CDON: variants seen among roughly 807,000 people sequenced by gnomAD.
The protein encoded by CDON is cell adhesion associated, oncogene regulated.
A neutral mutation model predicts 120.9 loss-of-function variants in CDON; 73 were observed. The ratio of observed to expected loss-of-function variants is 0.60; its 90% CI spans 0.50 to 0.73. The LOEUF is 0.73. CDON is among the 30% of genes least tolerant of loss of function. The pLI, the probability that CDON is intolerant of heterozygous loss-of-function variation, is 0.00. For missense variants in CDON, 1,470 were observed against 1,587.3 expected, an observed-to-expected ratio of 0.93 and a Z score of 1.26; for synonymous variants, 566 against 573.5, an observed-to-expected ratio of 0.99 and a Z score of 0.19.
intron 1 of CDON, among the ~76,000 whole-genome samples, chr11:126,033,922 G>C (rs1159698066): frequency 6.6e-6 from 1 of 152,004 alleles, no homozygotes; most frequent in Non-Finnish European, 1.5e-5. Context: ...TGTATCTTCT[G>C]ACCTGCCGCA....
Position 125,983,872 on chromosome 11 carries a change from T to G in CDON, c.2995A>C (p.Lys999Gln). The change falls in exon 16 of 20, where the codon AAA becomes CAA. Residue 999 changes from lysine (K) to glutamine (Q), a missense_variant and splice_region_variant. Lys to Gln is a moderately conservative substitution (Grantham distance 53). Transcript: ENST00000531738. Reference sequence around the variant, plus strand: ...AAGGAGATATTTATGAGTGACTTACTTTGTATGGTATTCTGCTGGCGATTC... The same window carrying G: ...AAGGAGATATTTATGAGTGACTTACGTTGTATGGTATTCTGCTGGCGATTC... Reference protein sequence around the residue: ...WKNRQQNTIQKYDPPGYLYQG... With the variant: ...WKNRQQNTIQQYDPPGYLYQG... The G allele has an allele frequency of 6.2e-7, 1 of 1,610,008 alleles. No individual in the cohort carries two copies. Among genetic ancestry groups the G allele is most frequent in the Non-Finnish European group, 8.5e-7 (1 of 1,176,492 alleles).
chr11:126,056,198 A>G (rs903190183), intron 1 of CDON, among the ~76,000 whole-genome samples: 6 of 152,224 alleles, frequency 3.9e-5, no homozygotes, highest in Non-Finnish European at 7.3e-5. Context: ...TCCAAACAGC[A>G]CTGCTTCACA....
intron 8 of CDON, among the ~76,000 whole-genome samples, chr11:126,006,618 A>ATGATCGTGCCACTGCACTCCAGCCT (rs1947138839): frequency 6.6e-6 from 1 of 152,166 alleles, no homozygotes; most frequent in Non-Finnish European, 1.5e-5. Context: ...GCAGTGAGCC[A>ATGATCGTGCCACTGCACTCCAGCCT]TGATCGTGCC....
In CDON at chr11:126,048,004, T is replaced by G. The variant is rs1314567725; in HGVS notation, c.-62+14575A>C. 4.6e-5 allele frequency among the ~76,000 whole-genome samples: 7 copies of G among 152,298 alleles called. No homozygotes were observed. In the East Asian group the frequency reaches 1.3e-3, roughly 29 times the overall value. The stretch of plus-strand genomic sequence containing the variant: ...ATCAAGAAATGGTCTTCAGCCGTCG[T>G]GGTGGCTCCTGCCTGTAATCCCAGC... On this transcript the variant is annotated intron_variant, in intron 1 of 19. Transcript: ENST00000531738.
At chr11:125,984,961 T>C (rs1289281161) in intron 15 of CDON, among the ~76,000 whole-genome samples, 3 of 152,178 alleles carry the variant, frequency 2.0e-5, no homozygotes, top group Admixed American at 2.0e-4. Flanking sequence ...TCATCGGTGT[T>C]CTGGGTAATA....
rs1948830195 is a variant in CDON, at chr11:126,062,585, G to A, written c.-68C>T. 6.6e-6 allele frequency: 1 copy of A among 152,006 alleles called. No individual in the cohort carries two copies. The highest frequency in any genetic ancestry group is 1.5e-5 in the Non-Finnish European group (1 of 68,092). The allele number at this position is 152,006 out of a possible 1,614,324, so 9.4% of individuals were successfully genotyped here. On this transcript the variant is annotated 5_prime_UTR_variant, in exon 1 of 20. Coordinates refer to ENST00000531738, the MANE Select transcript of CDON (RefSeq NM_001378964.1). ...GGGACCCCCACCCCCGCACCTCTCC[G>A]CGGGGCTGGCTAAGCCTCCAGACCT...
chr11:126,019,286 T>C (rs1947561721), intron 4 of CDON, among the ~76,000 whole-genome samples: 1 of 151,990 alleles, frequency 6.6e-6, no homozygotes, highest in African/African-American at 2.4e-5. Context: ...AACAGAAATA[T>C]GAATAACACA....
rs1400103223 is a variant in CDON at position 125,960,764 on chromosome 11, C to T, written c.*178G>A. ...GGAATGGGGAAGAAAACATTTAAGG[C>T]ATAAATAATATAAAAGGGCACACGT... is the stretch of plus-strand genomic sequence containing the variant. On this transcript the variant is annotated 3_prime_UTR_variant, in exon 20 of 20. Coordinates refer to ENST00000531738, the MANE Select transcript of CDON (RefSeq NM_001378964.1). 1.1e-5 allele frequency: 7 copies of T among 655,366 alleles called. No individual in the cohort carries two copies. The highest frequency in any genetic ancestry group is 1.4e-5 in the Non-Finnish European group (5 of 368,936). The allele number at this position is 655,366 out of a possible 1,614,324, so 40.6% of individuals were successfully genotyped here.
At position 126,018,374 on chromosome 11, in the gene CDON, T is replaced by A. The variant is rs757784108; in HGVS notation, c.596A>T (p.His199Leu). ...YKCAAYNPVT[H>L]QLKVEPIGRK... ...GCCAATAGGTTCAACTTTTAATTGA[T>A]GTGTGACAGGATTATAAGCTGCACA... The change falls in exon 5 of 20, where the codon CAT becomes CTT. Residue 199 changes from histidine to leucine, a missense_variant. By Grantham distance (99) the His-to-Leu change is moderately conservative. Transcript: ENST00000531738. 5.0e-6 allele frequency: 8 copies of A among 1,613,950 alleles called. No homozygotes were observed. Among genetic ancestry groups the A allele is most frequent in the Non-Finnish European group, 3.4e-6 (4 of 1,179,936 alleles).
chr11:125,988,991 A>G (rs1946548480), intron 15 of CDON, among the ~76,000 whole-genome samples: 1 of 152,162 alleles, frequency 6.6e-6, no homozygotes, highest in South Asian at 2.1e-4. Context: ...AGAAAAACGG[A>G]AGGGTTCATG....
At chr11:126,042,039 C>G (rs1948276652) in intron 1 of CDON, among the ~76,000 whole-genome samples, 1 of 152,144 alleles carries the variant, frequency 6.6e-6, no homozygotes, top group African/African-American at 2.4e-5. Flanking sequence ...CATGAGCCAC[C>G]ACGCCCAGCT....
intron 18 of CDON, among the ~76,000 whole-genome samples, chr11:125,962,417 AAAC>A (rs940430421): frequency 6.6e-6 from 1 of 152,254 alleles, no homozygotes; most frequent in Non-Finnish European, 1.5e-5. Context: ...CACACGAAAG[AAAC>A]AACCTTAGGA....
chr11:126,027,962 ACT>A (rs1947838959), intron 1 of CDON, among the ~76,000 whole-genome samples: 2 of 134,660 alleles, frequency 1.5e-5, no homozygotes, highest in South Asian at 4.8e-4. Flanking sequence ...GACTTAAATC[ACT>A]CTGCCTTTTT....
rs929750486 is a variant in CDON, at chr11:125,959,456, T to A, written c.*1486A>T. The A allele has an allele frequency of 1.3e-5, 2 of 152,250 alleles. No homozygotes were observed. The highest frequency in any genetic ancestry group is 1.3e-4 in the Admixed American group (2 of 15,294). The allele number at this position is 152,250 out of a possible 1,614,324, so 9.4% of individuals were successfully genotyped here. A position where few individuals can be genotyped will look rare whatever the true frequency, so the allele number is the denominator to read the frequency against. On this transcript the variant is annotated 3_prime_UTR_variant, in exon 20 of 20. Transcript: ENST00000531738. ...TATTGTTTTTTAATGTGAAGAGCCT[T>A]CCAAAGGCAGCTGCAAATGTCCTTG... is the stretch of plus-strand genomic sequence containing the variant.
At chr11:125,989,162 C>T (rs1000920912) in intron 15 of CDON, among the ~76,000 whole-genome samples, 7 of 152,180 alleles carry the variant, frequency 4.6e-5, no homozygotes, top group African/African-American at 1.7e-4. Context: ...TTCTAGCCCA[C>T]ATATTATACA....
At chr11:126,057,502 T>G (rs1040015733) in intron 1 of CDON, among the ~76,000 whole-genome samples, 7 of 152,228 alleles carry the variant, frequency 4.6e-5, no homozygotes, top group African/African-American at 1.7e-4. Context: ...AAAACTCATC[T>G]ATTCCAACTC....
intron 9 of CDON, chr11:126,005,341 C>G: frequency 5.8e-6 from 1 of 173,676 alleles, no homozygotes; most frequent in Non-Finnish European, 1.2e-5. Context: ...CAAAAAAAAA[C>G]TTGAAATGCA....
At chr11:126,023,755 C>T (rs1473078636) in intron 1 of CDON, among the ~76,000 whole-genome samples, 1 of 152,212 alleles carries the variant, frequency 6.6e-6, no homozygotes, top group Non-Finnish European at 1.5e-5. Context: ...AGGATATCTC[C>T]TACTACACAG....
At chr11:125,976,474 C>A (rs1269730851) in intron 18 of CDON, among the ~76,000 whole-genome samples, 3 of 151,956 alleles carry the variant, frequency 2.0e-5, no homozygotes, top group Non-Finnish European at 4.4e-5. Context: ...ACAGTAAAAC[C>A]CACACACATG....
Sources: allele counts gnomAD v4.1 joint callset (sites outside exome capture counted in the v4.1 genomes callset), GRCh38; gene constraint gnomAD v4.1.1; transcripts MANE v1.5; gene names NCBI Gene and HGNC (gene_info 2026-07-23, HGNC 2026-07-21).